SORBS2: variants seen among roughly 807,000 people sequenced by gnomAD.
SORBS2 encodes the protein sorbin and SH3 domain-containing protein 2.
Under a neutral mutation model 97.7 loss-of-function variants are expected in SORBS2, and 46 were observed. The observed-to-expected ratio is 0.47, with a 90% CI of 0.37 to 0.60. SORBS2 has a LOEUF of 0.60. Ranked by LOEUF, SORBS2 falls within the 20% of genes least tolerant of loss-of-function variation. The pLI is 0.00. For missense variants in SORBS2, 1,316 were observed against 1,282.3 expected (o/e 1.03, Z -0.40); for synonymous variants, 476 against 473.4 (o/e 1.01, Z -0.07).
At chr4:185,872,593 C>G (rs992267807) in intron 1 of SORBS2, among the ~76,000 whole-genome samples, 1 of 152,188 alleles carries the variant, frequency 6.6e-6, no homozygotes, top group Non-Finnish European at 1.5e-5. Flanking sequence ...TTTAGACTCT[C>G]CATACCAAAA....
intron 1 of SORBS2, among the ~76,000 whole-genome samples, chr4:185,893,288 A>G (rs1279806457): frequency 6.6e-6 from 1 of 152,182 alleles, no homozygotes; most frequent in Non-Finnish European, 1.5e-5. Flanking sequence ...GGATCATAAC[A>G]TCTGCGAGTG....
At chr4:185,745,934 C>T (rs944915835) in intron 2 of SORBS2, among the ~76,000 whole-genome samples, 9 of 152,226 alleles carry the variant, frequency 5.9e-5, no homozygotes, top group African/African-American at 2.2e-4. Flanking sequence ...TTTTTGTTGT[C>T]TCTACAGAAA....
chr4:185,622,611 A>G (rs1032600255), intron 7 of SORBS2, among the ~76,000 whole-genome samples: 2 of 152,222 alleles, frequency 1.3e-5, no homozygotes, highest in Non-Finnish European at 2.9e-5. Context: ...TATTGTCTCA[A>G]TGTGAGTAGT....
chr4:185,822,477 A>T (rs1456701504), intron 1 of SORBS2, among the ~76,000 whole-genome samples: 1 of 152,270 alleles, frequency 6.6e-6, no homozygotes. Flanking sequence ...GAGTTTTCAC[A>T]GACATGCATA....
At chr4:185,868,635 G>A (rs976522467) in intron 1 of SORBS2, among the ~76,000 whole-genome samples, 5 of 152,048 alleles carry the variant, frequency 3.3e-5, no homozygotes, top group Non-Finnish European at 5.9e-5. Flanking sequence ...CGTTTTTTGT[G>A]CCACCACCGG....
At chr4:185,657,539 G>A, upstream of SORBS2, 1 of 1,581,796 alleles carries the variant, frequency 6.3e-7, no homozygotes, top group Non-Finnish European at 8.6e-7. Flanking sequence ...CAGGGGGATA[G>A]AGCTGCTGGT....
At chr4:185,740,203 G>T (rs536868962) in intron 2 of SORBS2, 3 of 152,552 alleles carry the variant, frequency 2.0e-5, no homozygotes, top group African/African-American at 7.2e-5. Context: ...TGCTGTGTGT[G>T]GCTTGTGCAG....
intron 1 of SORBS2, among the ~76,000 whole-genome samples, chr4:185,931,422 T>C (rs1366139589): frequency 6.6e-6 from 1 of 152,130 alleles, no homozygotes. Flanking sequence ...AGGTTTGTAG[T>C]TGGGAAGAGT....
intron 2 of SORBS2, among the ~76,000 whole-genome samples, chr4:185,762,637 A>C (rs752882441): frequency 1.2e-4 from 19 of 152,212 alleles, no homozygotes; most frequent in Non-Finnish European, 1.8e-4. Context: ...TAATGCCAGT[A>C]ATCTAAAAGA....
intron 12 of SORBS2, among the ~76,000 whole-genome samples, chr4:185,610,332 C>G (rs1269023710): frequency 6.6e-6 from 1 of 152,050 alleles, no homozygotes; most frequent in African/African-American, 2.4e-5. Flanking sequence ...CTTATCTTTT[C>G]TCTTTATCAA....
chr4:185,857,691 G>A (rs962019921), intron 1 of SORBS2, among the ~76,000 whole-genome samples: 1 of 152,268 alleles, frequency 6.6e-6, no homozygotes, highest in East Asian at 1.9e-4. Context: ...GGGAAGGAAT[G>A]CATTCCTGTG....
At chr4:185,611,856 C>T (rs1236161362) in exon 12 of SORBS2, 7 of 1,613,940 alleles carry the variant, frequency 4.3e-6, no homozygotes, top group Admixed American at 1.7e-5. Flanking sequence ...GTCCTCAGCA[C>T]CTTTTGTGTT....
chr4:185,908,260 G>C (rs2099252259), intron 1 of SORBS2, among the ~76,000 whole-genome samples: 1 of 112,904 alleles, frequency 8.9e-6, no homozygotes, highest in Non-Finnish European at 1.7e-5. Context: ...TGAACTACTA[G>C]TGAACCCATG....
At chr4:185,724,724 T>C (rs894855022) in intron 2 of SORBS2, among the ~76,000 whole-genome samples, 2 of 152,128 alleles carry the variant, frequency 1.3e-5, no homozygotes, top group Non-Finnish European at 2.9e-5. Flanking sequence ...GACTATCTGC[T>C]CTCCCTGGAA....
chr4:185,714,264 G>A (rs922230374), intron 2 of SORBS2, among the ~76,000 whole-genome samples: 14 of 152,228 alleles, frequency 9.2e-5, no homozygotes, highest in African/African-American at 2.7e-4. Flanking sequence ...AGGCTAGAGT[G>A]TAGGATATTT....
intron 3 of SORBS2, among the ~76,000 whole-genome samples, chr4:185,648,485 T>TA (rs953494671): frequency 5.6e-4 from 78 of 138,694 alleles, no homozygotes; most frequent in Admixed American, 6.5e-4. Context: ...AGACTCCATT[T>TA]AAAAAAAAAA....
intron 1 of SORBS2, among the ~76,000 whole-genome samples, chr4:185,783,354 C>T (rs537959935): frequency 2.6e-5 from 4 of 152,278 alleles, no homozygotes; most frequent in East Asian, 1.9e-4. Flanking sequence ...GTGTTAGCAA[C>T]GACTACAGTG....
intron 5 of SORBS2, among the ~76,000 whole-genome samples, chr4:185,629,373 AT>A (rs984740487): frequency 5.9e-5 from 9 of 152,052 alleles, no homozygotes; most frequent in African/African-American, 1.9e-4. Flanking sequence ...TTTCTCAGGG[AT>A]GTTATTGCAG....
At chr4:185,814,577 C>T (rs112286632) in intron 1 of SORBS2, among the ~76,000 whole-genome samples, 2 of 147,104 alleles carry the variant, frequency 1.4e-5, no homozygotes, top group African/African-American at 5.0e-5. Flanking sequence ...AACAAACAAA[C>T]AAATATCTGA....
Sources: allele counts gnomAD v4.1 joint callset (sites outside exome capture counted in the v4.1 genomes callset), GRCh38; gene constraint gnomAD v4.1.1; transcripts MANE v1.5; gene names NCBI Gene and HGNC (gene_info 2026-07-23, HGNC 2026-07-21).